The following DLG2 variants were observed in gnomAD, a reference collection of about 807,000 sequenced individuals.
The protein encoded by DLG2 is discs large MAGUK scaffold protein 2, also known as disks large homolog 2.
Under a neutral mutation model 132.5 loss-of-function variants are expected in DLG2, and 45 were observed. That is an observed-to-expected ratio of 0.34 (90% CI 0.27 to 0.44). The LOEUF is 0.44. DLG2 is among the 20% of genes least tolerant of loss of function. DLG2 has a pLI of 1.00. For missense variants in DLG2, 1,045 were observed against 1,196.9 expected, an observed-to-expected ratio of 0.87 and a Z score of 1.87; for synonymous variants, 424 against 419.6, an observed-to-expected ratio of 1.01 and a Z score of -0.13.
chr11:85,124,646 G>A (rs2074845330), intron 5 of DLG2, among the ~76,000 whole-genome samples: 1 of 152,130 alleles, frequency 6.6e-6, no homozygotes, highest in Admixed American at 6.5e-5. Context: ...TGCCTTTGGT[G>A]AAACATACAT....
chr11:85,549,787 C>G lies in DLG2; in HGVS notation c.40+48870G>C, dbSNP rs1245692362. Among the ~76,000 whole-genome samples the G allele has an allele frequency of 2.6e-5, 4 of 152,314 alleles. No individual in the cohort carries two copies. The East Asian group carries it at 7.7e-4, about 29-fold the overall frequency. On this transcript the variant is annotated intron_variant, in intron 3 of 27. Transcript: ENST00000376104. ...TTGGTCATCCTCACTGCTCATTATA[C>G]ACTAATTATAATGCATTAGCATGCT...
At chr11:84,380,644 T>C (rs1037118466) in intron 7 of DLG2, among the ~76,000 whole-genome samples, 9 of 151,310 alleles carry the variant, frequency 5.9e-5, no homozygotes, top group Middle Eastern at 6.8e-3. Flanking sequence ...TGAAAACCAA[T>C]AAGCAAAGTC....
intron 3 of DLG2, among the ~76,000 whole-genome samples, chr11:85,335,247 T>TC (rs2082047117): frequency 6.6e-6 from 1 of 151,926 alleles, no homozygotes. Context: ...TCTGCTTTTT[T>TC]TTTTTGTTTT....
intron 7 of DLG2, among the ~76,000 whole-genome samples, chr11:84,503,300 T>C (rs888806249): frequency 7.2e-5 from 11 of 152,304 alleles, no homozygotes; most frequent in South Asian, 2.1e-4. Context: ...TTAGTTACTA[T>C]GTGTGAAAGA....
rs914509507 is a variant in DLG2 at position 84,838,586 on chromosome 11, T to C, written c.357+273075A>G. On this transcript the variant is annotated intron_variant, in intron 6 of 27. Transcript: ENST00000376104. ...CACATACCTAGTGTTTCATTTTTAT[T>C]CATAATCCCTAGAAACTCTGGCACA... Among the ~76,000 whole-genome samples, 5 of 151,922 alleles carry C rather than the reference T, an allele frequency of 3.3e-5. No individual in the cohort carries two copies. In the South Asian group the frequency reaches 1.0e-3, roughly 31 times the overall value.
chr11:83,764,699 A>G (rs2094066097), intron 18 of DLG2, among the ~76,000 whole-genome samples: 1 of 152,224 alleles, frequency 6.6e-6, no homozygotes, highest in African/African-American at 2.4e-5. Context: ...TGCCTTTCCC[A>G]GGGTCTCACA....
At chr11:84,314,306 G>T (rs1301531624) in intron 7 of DLG2, among the ~76,000 whole-genome samples, 1 of 152,122 alleles carries the variant, frequency 6.6e-6, no homozygotes, top group Non-Finnish European at 1.5e-5. Context: ...TCCAGCTTTA[G>T]GTTTTACAAT....
chr11:85,505,807 C>T (rs189875087), intron 3 of DLG2, among the ~76,000 whole-genome samples: 2 of 152,222 alleles, frequency 1.3e-5, no homozygotes, highest in Admixed American at 6.6e-5. Flanking sequence ...CTAGCTCCTC[C>T]TTGTACCTCT....
intron 9 of DLG2, among the ~76,000 whole-genome samples, chr11:84,162,903 G>A (rs551943440): frequency 3.3e-5 from 5 of 151,738 alleles, no homozygotes; most frequent in Admixed American, 1.3e-4. Context: ...TTCTCTTATT[G>A]TTCTGTAAAA....
intron 6 of DLG2, among the ~76,000 whole-genome samples, chr11:84,755,617 G>A (rs1167492964): frequency 6.6e-6 from 1 of 152,190 alleles, no homozygotes; most frequent in Non-Finnish European, 1.5e-5. Flanking sequence ...TGGAGACGGG[G>A]TTACACCGTG....
At chr11:83,984,231 T>G (rs992871079) in intron 11 of DLG2, among the ~76,000 whole-genome samples, 2 of 120,038 alleles carry the variant, frequency 1.7e-5, no homozygotes, top group East Asian at 4.6e-4. Context: ...GATAGATAGA[T>G]AGATAAAAAT....
At chr11:84,394,823 A>G (rs2098805668) in intron 7 of DLG2, among the ~76,000 whole-genome samples, 1 of 151,992 alleles carries the variant, frequency 6.6e-6, no homozygotes, top group South Asian at 2.1e-4. Flanking sequence ...GGTTTCACCC[A>G]GTTGGTTAGG....
At chr11:84,509,315 T>G (rs577978284) in intron 7 of DLG2, among the ~76,000 whole-genome samples, 1 of 152,178 alleles carries the variant, frequency 6.6e-6, no homozygotes, top group African/African-American at 2.4e-5. Flanking sequence ...TAAAAAGTCT[T>G]TCAAGGAAAT....
chr11:84,863,837 G>A (rs1418283420), intron 6 of DLG2, among the ~76,000 whole-genome samples: 3 of 152,142 alleles, frequency 2.0e-5, no homozygotes, highest in African/African-American at 7.2e-5. Flanking sequence ...AGCCCAGCTG[G>A]GTTGTTTTCT....
intron 20 of DLG2, among the ~76,000 whole-genome samples, chr11:83,534,834 G>A (rs980608419): frequency 1.3e-5 from 2 of 152,076 alleles, no homozygotes; most frequent in South Asian, 2.1e-4. Context: ...TCCCAGCTAC[G>A]CGGGAGGCTG....
At chr11:84,463,965 C>A (rs753850970) in intron 7 of DLG2, among the ~76,000 whole-genome samples, 3 of 151,192 alleles carry the variant, frequency 2.0e-5, no homozygotes, top group African/African-American at 4.8e-5. Flanking sequence ...TGAAGTTCAC[C>A]TTTAGTGAAT....
At chr11:84,784,242 C>CCCG (rs1426645278) in intron 6 of DLG2, among the ~76,000 whole-genome samples, 1 of 145,050 alleles carries the variant, frequency 6.9e-6, no homozygotes, top group Non-Finnish European at 1.5e-5. Flanking sequence ...ATTGCTTGAT[C>CCCG]CCGGGTGGTG....
intron 6 of DLG2, among the ~76,000 whole-genome samples, chr11:84,869,724 G>T (rs2085172427): frequency 6.6e-6 from 1 of 152,156 alleles, no homozygotes; most frequent in African/African-American, 2.4e-5. Context: ...ACTCTCTGAG[G>T]AAAGGGGCTG....
intron 15 of DLG2, among the ~76,000 whole-genome samples, chr11:83,876,748 A>G (rs1014316870): frequency 2.0e-5 from 3 of 152,116 alleles, no homozygotes; most frequent in African/African-American, 7.2e-5. Context: ...TGTACTTTCC[A>G]TTCTATCTTA....
Sources: gnomAD v4.1 joint callset for allele counts (sites outside exome capture counted in the v4.1 genomes callset) on GRCh38, gnomAD v4.1.1 for gene constraint, MANE v1.5 for transcripts, NCBI Gene and HGNC (gene_info 2026-07-23, HGNC 2026-07-21) for gene names.